SPMIP8: variants seen among roughly 807,000 people sequenced by gnomAD.
SPMIP8 encodes testicular tissue protein Li 196.
the SPMIP8 span, chr16:57,985,266 G>C: frequency 8.3e-6 from 13 of 1,559,484 alleles, no homozygotes; most frequent in Non-Finnish European, 1.1e-5. Flanking sequence ...CAGACCTGGC[G>C]GGTAGGGAGC....
chr16:57,985,260 C>T, the SPMIP8 span: 1 of 1,559,240 alleles, frequency 6.4e-7, no homozygotes, highest in South Asian at 1.2e-5. Flanking sequence ...GTGACCCAGA[C>T]CTGGCGGGTA....
the SPMIP8 span, chr16:57,985,348 G>T: frequency 5.7e-6 from 9 of 1,574,350 alleles, no homozygotes; most frequent in African/African-American, 2.7e-5. Flanking sequence ...GGGGGTTGAG[G>T]GGGGAGGAGA....
At chr16:57,984,239 T>C in the SPMIP8 span, 8 of 1,565,676 alleles carry the variant, frequency 5.1e-6, no homozygotes, top group Admixed American at 1.2e-4. Flanking sequence ...GGGCCAAAGT[T>C]CTCCTATGAC....
chr16:57,982,515 A>G, the SPMIP8 span, among the ~76,000 whole-genome samples: 1 of 152,216 alleles, frequency 6.6e-6, no homozygotes, highest in African/African-American at 2.4e-5. Context: ...TATTTTCTGT[A>G]AACCAGCAGC....
At chr16:57,981,580 C>T in the SPMIP8 span, among the ~76,000 whole-genome samples, 20 of 125,526 alleles carry the variant, frequency 1.6e-4, 1 homozygote, top group East Asian at 2.1e-3. Context: ...GGCGCTATCT[C>T]GGCTCACTGC....
the SPMIP8 span, among the ~76,000 whole-genome samples, chr16:57,977,407 C>CAAAAAAAAAAAAAAAAAAAAAA: frequency 1.0e-5 from 1 of 99,830 alleles, no homozygotes. Flanking sequence ...GAGACTGTCT[C>CAAAAAAAAAAAAAAAAAAAAAA]AAAAAAAAAA....
the SPMIP8 span, among the ~76,000 whole-genome samples, chr16:57,979,232 T>C: frequency 1.3e-5 from 2 of 152,106 alleles, no homozygotes; most frequent in Admixed American, 6.5e-5. Flanking sequence ...TGCAGGCCCA[T>C]ACCTAGGCTC....
At chr16:57,985,137 TA>T in the SPMIP8 span, 1 of 1,369,874 alleles carries the variant, frequency 7.3e-7, no homozygotes. Context: ...GGGCGGGGCT[TA>T]GATGAGGAGG....
the SPMIP8 span, chr16:57,987,354 A>G: frequency 6.7e-7 from 1 of 1,496,934 alleles, no homozygotes; most frequent in Non-Finnish European, 8.9e-7. Flanking sequence ...TTCCCCTAGG[A>G]CACCCTGGAA....
chr16:57,976,735 G>A, the SPMIP8 span: 2 of 1,416,100 alleles, frequency 1.4e-6, no homozygotes, highest in Non-Finnish European at 1.9e-6. Context: ...GCTTCCCCAT[G>A]CCTTGTCACC....
At chr16:57,981,502 T>TC in the SPMIP8 span, among the ~76,000 whole-genome samples, 3 of 3,736 alleles carry the variant, frequency 8.0e-4, no homozygotes, top group African/African-American at 5.2e-3. Flanking sequence ...TCTCTTTCTC[T>TC]TTTTTTTTTT....
chr16:57,976,970 C>T, the SPMIP8 span, among the ~76,000 whole-genome samples: 34 of 152,206 alleles, frequency 2.2e-4, no homozygotes, highest in Admixed American at 1.8e-3. Context: ...TATCATGTTG[C>T]TCCCCTTCCT....
the SPMIP8 span, chr16:57,978,135 T>C: frequency 7.2e-7 from 1 of 1,387,972 alleles, no homozygotes; most frequent in Non-Finnish European, 9.8e-7. Flanking sequence ...CAGTCCCAGC[T>C]CTGCTGCTCC....
the SPMIP8 span, among the ~76,000 whole-genome samples, chr16:57,980,230 A>C: frequency 6.6e-6 from 1 of 152,202 alleles, no homozygotes; most frequent in Non-Finnish European, 1.5e-5. Context: ...TTATGTTCAA[A>C]GGGTTGGCTA....
chr16:57,985,167 G>GTT, the SPMIP8 span: 2 of 1,474,474 alleles, frequency 1.4e-6, no homozygotes, highest in Non-Finnish European at 1.8e-6. Context: ...GTCCTGGGGG[G>GTT]GGGCGGATGA....
chr16:57,977,775 T>C, the SPMIP8 span: 2 of 1,584,812 alleles, frequency 1.3e-6, no homozygotes, highest in Non-Finnish European at 1.7e-6. Flanking sequence ...CTGGCCAGCA[T>C]GAGCCCAGGG....
At chr16:57,987,223 C>A in the SPMIP8 span, 1 of 559,622 alleles carries the variant, frequency 1.8e-6, no homozygotes, top group East Asian at 3.5e-5. Context: ...GGGAGGTTAG[C>A]TTGAAAGCTA....
the SPMIP8 span, chr16:57,987,417 C>T: frequency 1.3e-6 from 2 of 1,597,788 alleles, no homozygotes; most frequent in Non-Finnish European, 1.7e-6. Context: ...ACCTGACCCC[C>T]TGGCATTAAT....
the SPMIP8 span, chr16:57,984,877 G>T: frequency 6.7e-7 from 1 of 1,498,550 alleles, no homozygotes; most frequent in Non-Finnish European, 8.9e-7. Context: ...AGGGAACGTG[G>T]ACTGCGGACG....
Sources: gnomAD v4.1 joint callset for allele counts (sites outside exome capture counted in the v4.1 genomes callset) on GRCh38, gnomAD v4.1.1 for gene constraint, MANE v1.5 for transcripts, NCBI Gene and HGNC (gene_info 2026-07-23, HGNC 2026-07-21) for gene names.